USO1: variants seen among roughly 807,000 people sequenced by gnomAD.
USO1 encodes the protein general vesicular transport factor p115.
A neutral mutation model predicts 124.5 loss-of-function variants in USO1; 57 were observed. The ratio of observed to expected loss-of-function variants is 0.46; its 90% CI spans 0.37 to 0.57. The LOEUF is 0.57. Ranked by LOEUF, USO1 falls within the 20% of genes least tolerant of loss-of-function variation. The probability of loss-of-function intolerance (pLI) is 0.00; values close to 1 mark genes in which losing one functional copy is unlikely to be tolerated. For synonymous variants in USO1, 369 were observed against 362.8 expected (o/e 1.02, Z -0.19); for missense variants, 900 against 1,040.6 (o/e 0.86, Z 1.86).
intron 1 of USO1, among the ~76,000 whole-genome samples, chr4:75,750,652 T>C (rs1441590307): frequency 6.6e-6 from 1 of 151,876 alleles, no homozygotes; most frequent in Non-Finnish European, 1.5e-5. Flanking sequence ...ACCCAGCTAA[T>C]TTTTGTATTT....
intron 23 of USO1, among the ~76,000 whole-genome samples, chr4:75,812,600 G>A (rs1002053309): frequency 2.0e-5 from 3 of 151,792 alleles, no homozygotes; most frequent in South Asian, 4.1e-4. Flanking sequence ...CTTTTGGACC[G>A]TAAGCCTAGA....
chr4:75,789,775 C>A (rs1282979366), intron 10 of USO1, among the ~76,000 whole-genome samples: 1 of 151,534 alleles, frequency 6.6e-6, no homozygotes, highest in Non-Finnish European at 1.5e-5. Context: ...TATTTTAAAA[C>A]CTTTTTCTGT....
At chr4:75,797,794 A>T (rs541205127) in intron 13 of USO1, among the ~76,000 whole-genome samples, 1 of 151,898 alleles carries the variant, frequency 6.6e-6, no homozygotes, top group South Asian at 2.1e-4. Context: ...GGCGCGCGCC[A>T]CCTCGCCTGG....
At chr4:75,811,090 C>T (rs931907281) in intron 22 of USO1, among the ~76,000 whole-genome samples, 1 of 152,042 alleles carries the variant, frequency 6.6e-6, no homozygotes, top group Admixed American at 6.6e-5. Context: ...GTAAGATAAG[C>T]ATACATATGC....
chr4:75,778,428 G>A (rs1722131224), intron 8 of USO1, among the ~76,000 whole-genome samples: 1 of 152,184 alleles, frequency 6.6e-6, no homozygotes, highest in African/African-American at 2.4e-5. Context: ...GTAGGCTGAG[G>A]AGCAAAAGGA....
At chr4:75,726,377 AG>A (rs1195097203) in intron 1 of USO1, among the ~76,000 whole-genome samples, 1 of 152,102 alleles carries the variant, frequency 6.6e-6, no homozygotes, top group African/African-American at 2.4e-5. Context: ...CTTACTTCAA[AG>A]CCTTCACTTT....
intron 9 of USO1, among the ~76,000 whole-genome samples, chr4:75,785,438 T>C (rs1476421617): frequency 6.6e-6 from 1 of 152,152 alleles, no homozygotes; most frequent in Non-Finnish European, 1.5e-5. Flanking sequence ...ATTGGGAAGA[T>C]ACTGCCAATA....
chr4:75,746,705 A>G (rs1721136156), intron 1 of USO1, among the ~76,000 whole-genome samples: 1 of 152,170 alleles, frequency 6.6e-6, no homozygotes, highest in Admixed American at 6.5e-5. Flanking sequence ...TATCTGGAAT[A>G]TTGTTAGGAG....
intron 1 of USO1, among the ~76,000 whole-genome samples, chr4:75,739,538 C>CTTTTT (rs753369609): frequency 1.8e-4 from 19 of 105,428 alleles, no homozygotes; most frequent in East Asian, 5.8e-4. Flanking sequence ...TTATCTTTTT[C>CTTTTT]TTTTTTTTTT....
Position 75,731,561 on chromosome 4 carries a change from CAA to C in USO1, c.66+6690_66+6691del, listed in dbSNP as rs35766448. Among the ~76,000 whole-genome samples, 551 of 138,110 alleles carry C rather than the reference CAA, an allele frequency of 4.0e-3. 3 individuals are homozygous for C. Among genetic ancestry groups the C allele is most frequent in the African/African-American group, 9.1e-3 (339 of 37,238 alleles). The allele number at this position is 138,110 out of a possible 152,430, so 90.6% of individuals were successfully genotyped here. On this transcript the variant is annotated intron_variant, in intron 1 of 23. Coordinates refer to ENST00000514213, the MANE Select transcript of USO1 (RefSeq NM_003715.4). ...TGGGCAATGGAGTGAGACTCCGTCTCAAAAAAAAAAAAAAATGACTTTTGTAA... is the reference window on the plus strand; with the variant it reads ...TGGGCAATGGAGTGAGACTCCGTCTCAAAAAAAAAAAAATGACTTTTGTAA...
intron 20 of USO1, 71 bp from the exon 21 acceptor site, chr4:75,808,882 C>A: frequency 6.9e-7 from 1 of 1,455,528 alleles, no homozygotes. Flanking sequence ...TTTTAAATGT[C>A]TCCCTGTAAA....
intron 12 of USO1, among the ~76,000 whole-genome samples, chr4:75,792,573 G>A (rs937164134): frequency 6.6e-5 from 10 of 151,780 alleles, no homozygotes; most frequent in African/African-American, 1.9e-4. Context: ...GGCACACACC[G>A]GTAGTCCTAG....
rs554594844 is a variant in USO1 at position 75,764,042 on chromosome 4, T to G, written c.296-6397T>G. On this transcript the variant is annotated intron_variant, in intron 4 of 23. Coordinates refer to ENST00000514213, the MANE Select transcript of USO1 (RefSeq NM_003715.4). ...AAGAAATGGCGTATATCTCACACTT[T>G]TTCAAATTGACAGTGTTAAACCAGA... Among the ~76,000 whole-genome samples the G allele has an allele frequency of 3.3e-5, 5 of 152,302 alleles. No individual in the cohort carries two copies. The South Asian group carries it at 1.0e-3, about 32-fold the overall frequency.
At chr4:75,809,134 A>C (rs577163830) in intron 21 of USO1, 83 bp downstream of exon 21, 1 of 1,460,942 alleles carries the variant, frequency 6.8e-7, no homozygotes, top group African/African-American at 1.4e-5. Context: ...AAAAGAAACA[A>C]ATTCATCAGA....
chr4:75,761,790 G>T (rs2149161914), intron 4 of USO1, among the ~76,000 whole-genome samples: 1 of 152,240 alleles, frequency 6.6e-6, no homozygotes, highest in South Asian at 2.1e-4. Flanking sequence ...CGTATCTAAA[G>T]CAGTGTTTAA....
chr4:75,810,338 A>T, intron 21 of USO1, 94 bp from the exon 22 acceptor site: 1 of 1,367,508 alleles, frequency 7.3e-7, no homozygotes, highest in Non-Finnish European at 9.7e-7. Flanking sequence ...TGAAAGTAAA[A>T]TATCAAAATG....
intron 1 of USO1, among the ~76,000 whole-genome samples, chr4:75,746,040 A>G (rs548828486): frequency 1.3e-5 from 2 of 152,370 alleles, no homozygotes; most frequent in South Asian, 4.1e-4. Context: ...AAGCTAGTAG[A>G]TAATCCCTAC....
At chr4:75,794,345 A>T (rs1236354290) in intron 13 of USO1, among the ~76,000 whole-genome samples, 3 of 152,220 alleles carry the variant, frequency 2.0e-5, no homozygotes, top group Non-Finnish European at 2.9e-5. Flanking sequence ...ATAGTTATAC[A>T]GTATATCCCC....
rs900186591 is a variant in USO1, at chr4:75,757,524, T to C, written c.246T>C (p.Ala82=). The C allele has an allele frequency of 5.3e-6, 8 of 1,516,708 alleles. No individual in the cohort carries two copies. The highest frequency in any genetic ancestry group is 7.1e-6 in the Non-Finnish European group (8 of 1,131,558). The allele number at this position is 1,516,708 out of a possible 1,614,324, so 94.0% of individuals were successfully genotyped here. A position where few individuals can be genotyped will look rare whatever the true frequency, so the allele number is the denominator to read the frequency against. Reference sequence around the variant, plus strand: ...CAGATTCTGAAATAATAGGTTATGCTTTGGACACACTATATAATATAATAT... The same window carrying C: ...CAGATTCTGAAATAATAGGTTATGCCTTGGACACACTATATAATATAATAT... The part of the protein sequence containing the change: ...DRSDSEIIGY[A]LDTLYNIISN... Residue 82 remains alanine, a synonymous_variant, in exon 4 of 24, where the codon GCT becomes GCC. Transcript: ENST00000514213.
Sources: gnomAD v4.1 joint callset for allele counts (sites outside exome capture counted in the v4.1 genomes callset) on GRCh38, gnomAD v4.1.1 for gene constraint, MANE v1.5 for transcripts, NCBI Gene and HGNC (gene_info 2026-07-23, HGNC 2026-07-21) for gene names.